Variants in DNAH14 observed in about 807,000 individuals in gnomAD.
DNAH14 encodes axonemal beta dynein heavy chain 14.
A neutral mutation model predicts 520.9 loss-of-function variants in DNAH14; 478 were observed. The observed-to-expected ratio is 0.92, with a 90% CI of 0.85 to 0.99. The LOEUF (loss-of-function observed/expected upper bound fraction) is 0.99. Ranked by LOEUF, DNAH14 falls within the 50% of genes least tolerant of loss-of-function variation. The pLI is 0.00. For synonymous variants in DNAH14, 1,581 were observed against 1,757.2 expected (o/e 0.90, Z 2.51); for missense variants, 4,831 against 5,234.5 (o/e 0.92, Z 2.38).
chr1:225,127,336 G>A (rs1473535158), intron 27 of DNAH14, among the ~76,000 whole-genome samples: 1 of 151,506 alleles, frequency 6.6e-6, no homozygotes, highest in African/African-American at 2.4e-5. Context: ...TTATTGTGTG[G>A]GAGTCTAAGT....
At chr1:225,078,798 CTCTCTCTCTCTCTCTCTCTCTCTCT>C (rs752563636) in intron 17 of DNAH14, among the ~76,000 whole-genome samples, 3,264 of 55,342 alleles carry the variant, frequency 0.059, 193 homozygotes, top group Non-Finnish European at 0.1. Context: ...CTCTCTCTCT[CTCTCTCTCTCTCTCTCTCTCTCTCT>C]CCCTCTCTCT....
At chr1:225,035,339 A>G (rs2066875079) in intron 11 of DNAH14, among the ~76,000 whole-genome samples, 1 of 151,872 alleles carries the variant, frequency 6.6e-6, no homozygotes, top group African/African-American at 2.4e-5. Flanking sequence ...AAGGTTTATC[A>G]GTTTCCTTTA....
chr1:225,307,605 T>C, intron 59 of DNAH14, 36 bp downstream of exon 59: 1 of 1,455,144 alleles, frequency 6.9e-7, no homozygotes, highest in Non-Finnish European at 9.3e-7. Context: ...AAAGATTTTA[T>C]AGTCTAATAT....
chr1:225,364,394 C>T (rs1049271781), intron 75 of DNAH14, among the ~76,000 whole-genome samples: 1 of 151,998 alleles, frequency 6.6e-6, no homozygotes, highest in Non-Finnish European at 1.5e-5. Flanking sequence ...TTTCTCTTCC[C>T]TCTATTTATT....
rs536190147 is a variant in DNAH14, at chr1:225,335,165, G to A, written c.10080+1659G>A. Reference sequence around the variant, plus strand: ...CACATGTGTACATGTGTGCATGTGTGCATGTGTACATGTGCGCATGTGTGT... The same window carrying A: ...CACATGTGTACATGTGTGCATGTGTACATGTGTACATGTGCGCATGTGTGT... On this transcript the variant is annotated intron_variant, in intron 66 of 85. Transcript: ENST00000682510. Among the ~76,000 whole-genome samples, 20 of 148,074 alleles carry A rather than the reference G, an allele frequency of 1.4e-4. 1 individual carries two copies. In the East Asian group the frequency reaches 1.8e-3, roughly 14 times the overall value.
chr1:225,153,158 A>T (rs939154541), intron 33 of DNAH14, among the ~76,000 whole-genome samples: 4 of 152,096 alleles, frequency 2.6e-5, no homozygotes, highest in Non-Finnish European at 5.9e-5. Context: ...ATTACGGACT[A>T]TTTTTTTCCA....
chr1:225,019,247 C>CA (rs71170044), intron 10 of DNAH14, among the ~76,000 whole-genome samples: 19 of 151,150 alleles, frequency 1.3e-4, no homozygotes, highest in African/African-American at 4.4e-4. Flanking sequence ...AAATGGAAAA[C>CA]AAAAAAAAAA....
intron 1 of DNAH14, among the ~76,000 whole-genome samples, chr1:224,931,037 G>A (rs1355390690): frequency 6.6e-6 from 1 of 152,252 alleles, no homozygotes; most frequent in Non-Finnish European, 1.5e-5. Flanking sequence ...ACAGCTCCAT[G>A]TGTTATTACC....
intron 77 of DNAH14, among the ~76,000 whole-genome samples, chr1:225,370,649 G>C (rs4576637): frequency 0.76 from 115,084 of 151,882 alleles, 45,318 homozygotes; most frequent in East Asian, 0.95. Flanking sequence ...AATGTCTCCA[G>C]TATTAAAGAA....
intron 66 of DNAH14, 147 bp downstream of exon 66, chr1:225,333,653 T>C (rs1202848920): frequency 2.7e-6 from 2 of 731,590 alleles, no homozygotes; most frequent in Admixed American, 5.8e-5. Flanking sequence ...CAGGCCTCGA[T>C]TTTTTAATTT....
intron 69 of DNAH14, among the ~76,000 whole-genome samples, chr1:225,343,617 C>G (rs1222400078): frequency 2.0e-5 from 3 of 152,154 alleles, no homozygotes; most frequent in Non-Finnish European, 4.4e-5. Flanking sequence ...CAAATCCTCA[C>G]TTAGAAGCAT....
Position 225,140,905 on chromosome 1 carries a change from CT to C in DNAH14, c.4393del (p.Ser1465LeufsTer7). On this transcript the variant is annotated frameshift_variant, in exon 28 of 86. Transcript: ENST00000682510. LOFTEE classifies it high-confidence loss of function. ...ACCTGGTAGTGCTGGATACTAGTAA[CT>C]CTCGAACAAAAGCTATACTAGGGGC... is the stretch of plus-strand genomic sequence containing the variant. ...ADLVVLDTSN[S>X]RTKAILGALL... 4 of 1,551,312 alleles carry C rather than the reference CT, an allele frequency of 2.6e-6. No individual in the cohort carries two copies. Among genetic ancestry groups the C allele is most frequent in the Non-Finnish European group, 3.5e-6 (4 of 1,146,918 alleles).
chr1:225,229,929 G>A (rs1052280736), intron 41 of DNAH14, among the ~76,000 whole-genome samples: 6 of 151,986 alleles, frequency 3.9e-5, no homozygotes, highest in Non-Finnish European at 8.8e-5. Flanking sequence ...AAATAAAAAT[G>A]TATATATTTT....
In DNAH14 at chr1:224,929,759, G is replaced by T; in HGVS notation, c.-110G>T. 5.7e-6 allele frequency: 4 copies of T among 702,068 alleles called. No individual in the cohort carries two copies. The highest frequency in any genetic ancestry group is 1.0e-5 in the Non-Finnish European group (4 of 384,614). The allele number at this position is 702,068 out of a possible 1,614,324, so 43.5% of individuals were successfully genotyped here. A position where few individuals can be genotyped will look rare whatever the true frequency, so the allele number is the denominator to read the frequency against. ...TCCTTCCCATTCACCCTAGTCTGGC[G>T]CTCGCCGGCGTGGGCGGGCCGGACC... On this transcript the variant is annotated 5_prime_UTR_variant, in exon 1 of 86. Coordinates refer to ENST00000682510, the MANE Select transcript of DNAH14 (RefSeq NM_001367479.1).
chr1:225,399,058 C>A lies in DNAH14; in HGVS notation c.13643C>A (p.Ser4548Tyr). The A allele has an allele frequency of 6.6e-7, 1 of 1,519,894 alleles. No individual in the cohort carries two copies. Among genetic ancestry groups the A allele is most frequent in the South Asian group, 1.3e-5 (1 of 78,594 alleles). 94.2% of individuals were successfully genotyped at this position (1,519,894 alleles called of 1,614,324 possible). A position where few individuals can be genotyped will look rare whatever the true frequency, so the allele number is the denominator to read the frequency against. ...PDIYFLPTKI[S>Y]TKTPNASNQT... ...GGATTTTTTTTTTTTTTAAAGATTT[C>A]TACCAAAACACCAAATGCTTCCAAC... The change falls in exon 86 of 86, where the codon TCT becomes TAT. Residue 4548 changes from serine (S) to tyrosine (Y), a missense_variant. Physicochemically the swap from Ser to Tyr is moderately radical, Grantham distance 144. Transcript: ENST00000682510.
intron 23 of DNAH14, among the ~76,000 whole-genome samples, chr1:225,103,925 A>G (rs1009763493): frequency 5.1e-5 from 7 of 137,670 alleles, no homozygotes; most frequent in African/African-American, 1.1e-4. Flanking sequence ...TTCCAACACT[A>G]TGTTGAATAG....
intron 35 of DNAH14, among the ~76,000 whole-genome samples, chr1:225,163,356 T>C (rs917155835): frequency 6.6e-6 from 1 of 152,200 alleles, no homozygotes; most frequent in Non-Finnish European, 1.5e-5. Context: ...TATTTCTTTC[T>C]CTTGTCTGAT....
rs990210332 is a variant in DNAH14 at position 225,293,828 on chromosome 1, T to A, written c.8469+3746T>A. 1.8e-4 allele frequency among the ~76,000 whole-genome samples: 28 copies of A among 152,206 alleles called. 1 individual carries two copies. The highest frequency in any genetic ancestry group is 3.4e-3 in the Middle Eastern group (1 of 294). On this transcript the variant is annotated intron_variant, in intron 55 of 85. Transcript: ENST00000682510. ...CTGAACTTAAAATAAAAGTTTTTTT[T>A]TTAAAAAAAGAGTTTTTTGGTAGTC...
intron 8 of DNAH14, among the ~76,000 whole-genome samples, chr1:224,987,482 G>A (rs542850391): frequency 6.9e-4 from 105 of 152,228 alleles, no homozygotes; most frequent in African/African-American, 2.5e-3. Flanking sequence ...TTTGTCTTAC[G>A]GGTCTGGAGG....
Sources: allele counts gnomAD v4.1 joint callset (sites outside exome capture counted in the v4.1 genomes callset), GRCh38; gene constraint gnomAD v4.1.1; transcripts MANE v1.5; gene names NCBI Gene and HGNC (gene_info 2026-07-23, HGNC 2026-07-21).